The following RHEX variants were observed in gnomAD, a reference collection of about 807,000 sequenced individuals.
RHEX encodes the protein regulator of hemoglobinization and erythroid cell expansion protein.
In RHEX, 18 loss-of-function variants were observed where a neutral mutation model predicts 20.1. The observed-to-expected ratio is 0.90, with a 90% CI of 0.62 to 1.33. The LOEUF (loss-of-function observed/expected upper bound fraction) is 1.33. Among genes scored for constraint, RHEX ranks in the 40% most tolerant of loss-of-function variants. The pLI, the probability that RHEX is intolerant of heterozygous loss-of-function variation, is 0.00. For missense variants in RHEX, 192 were observed against 214.3 expected (o/e 0.90, Z 0.65); for synonymous variants, 87 against 77.1 (o/e 1.13, Z -0.67).
chr1:206,096,008 T>A (rs1553287621), intron 1 of RHEX, among the ~76,000 whole-genome samples: 1 of 152,046 alleles, frequency 6.6e-6, no homozygotes, highest in Admixed American at 6.6e-5. Context: ...TTTTTGTATG[T>A]TTTTAGAGAT....
At chr1:206,065,917 C>T (rs1260797247) in intron 1 of RHEX, among the ~76,000 whole-genome samples, 1 of 152,212 alleles carries the variant, frequency 6.6e-6, no homozygotes, top group African/African-American at 2.4e-5. Flanking sequence ...TGGCCTGTAT[C>T]TGCTTTAGCC....
chr1:206,082,872 G>C (rs1346580475), intron 1 of RHEX, among the ~76,000 whole-genome samples: 1 of 151,948 alleles, frequency 6.6e-6, no homozygotes, highest in African/African-American at 2.4e-5. Flanking sequence ...TTTATATCTG[G>C]GTCATTTTAT....
intron 1 of RHEX, among the ~76,000 whole-genome samples, chr1:206,086,484 G>C (rs894130779): frequency 1.3e-5 from 2 of 152,076 alleles, no homozygotes; most frequent in Admixed American, 1.3e-4. Flanking sequence ...CGCCCGGCCA[G>C]CATTTTCAAT....
At chr1:206,057,889 G>C (rs1484716247) in intron 1 of RHEX, among the ~76,000 whole-genome samples, 1 of 152,266 alleles carries the variant, frequency 6.6e-6, no homozygotes, top group Non-Finnish European at 1.5e-5. Flanking sequence ...GTTACAAGCT[G>C]TTTTAGAAAT....
At chr1:206,095,749 G>A (rs534826169) in intron 1 of RHEX, among the ~76,000 whole-genome samples, 1 of 152,206 alleles carries the variant, frequency 6.6e-6, no homozygotes, top group African/African-American at 2.4e-5. Flanking sequence ...CTGGGAGGTG[G>A]AGGTCGCAGT....
chr1:206,087,613 A>G (rs932352729), intron 1 of RHEX, among the ~76,000 whole-genome samples: 1 of 152,226 alleles, frequency 6.6e-6, no homozygotes, highest in African/African-American at 2.4e-5. Flanking sequence ...GACCATGTGC[A>G]TGGACCACTC....
In RHEX at chr1:206,102,009, A is replaced by G. The variant is rs1456597596; in HGVS notation, c.*57A>G. ...CTATGGATTCTTACATTTAATTTGT[A>G]GGGAAATGCCATTTTTCCCCCTTAA... On this transcript the variant is annotated 3_prime_UTR_variant, in exon 6 of 6. Transcript: ENST00000331555. The G allele has an allele frequency of 7.2e-7, 1 of 1,392,780 alleles. No individual in the cohort carries two copies. Among genetic ancestry groups the G allele is most frequent in the Non-Finnish European group, 1.0e-6 (1 of 983,940 alleles). The allele number at this position is 1,392,780 out of a possible 1,614,324, so 86.3% of individuals were successfully genotyped here.
intron 1 of RHEX, among the ~76,000 whole-genome samples, chr1:206,054,568 T>A (rs1662150200): frequency 6.6e-6 from 1 of 152,262 alleles, no homozygotes; most frequent in South Asian, 2.1e-4. Flanking sequence ...TAAAAAGGTA[T>A]CATCCAGTTT....
At chr1:206,090,202 C>CTTTTTTT (rs59499927) in intron 1 of RHEX, among the ~76,000 whole-genome samples, 15 of 112,590 alleles carry the variant, frequency 1.3e-4, no homozygotes, top group East Asian at 5.2e-4. Context: ...TCTTTTCTTT[C>CTTTTTTT]TTTTTTTTTT....
chr1:206,077,339 G>C (rs970983544), intron 1 of RHEX, among the ~76,000 whole-genome samples: 1 of 152,178 alleles, frequency 6.6e-6, no homozygotes, highest in African/African-American at 2.4e-5. Flanking sequence ...GTATGTCAAA[G>C]AAGTTTTTAA....
chr1:206,059,566 A>G (rs1323656847), intron 1 of RHEX, among the ~76,000 whole-genome samples: 2 of 152,146 alleles, frequency 1.3e-5, no homozygotes, highest in African/African-American at 4.8e-5. Context: ...GGGCTGAATC[A>G]TGCAGCTTCA....
chr1:206,063,326 G>A (rs1553283617), intron 1 of RHEX, among the ~76,000 whole-genome samples: 2 of 152,082 alleles, frequency 1.3e-5, no homozygotes, highest in Admixed American at 6.5e-5. Context: ...CTTGGAAAAC[G>A]GCAAGTTTCA....
intron 1 of RHEX, among the ~76,000 whole-genome samples, chr1:206,056,921 G>C (rs567569449): frequency 1.3e-5 from 2 of 152,362 alleles, no homozygotes; most frequent in South Asian, 2.1e-4. Flanking sequence ...ATAGTGTTTG[G>C]TTCCAAAAAG....
At chr1:206,085,902 T>C (rs555069703) in intron 1 of RHEX, among the ~76,000 whole-genome samples, 2 of 152,316 alleles carry the variant, frequency 1.3e-5, no homozygotes, top group Admixed American at 6.5e-5. Flanking sequence ...CATGCCATAT[T>C]CCAGATGAGC....
chr1:206,075,063 C>T (rs549702473), intron 1 of RHEX, among the ~76,000 whole-genome samples: 5 of 152,240 alleles, frequency 3.3e-5, no homozygotes, highest in South Asian at 4.1e-4. Context: ...TTGAAAATGT[C>T]CAGAAGGCCT....
chr1:206,102,243 C>G lies in RHEX; in HGVS notation c.*291C>G. On this transcript the variant is annotated 3_prime_UTR_variant, in exon 6 of 6. Coordinates refer to ENST00000331555, the MANE Select transcript of RHEX (RefSeq NM_001007544.4). The stretch of plus-strand genomic sequence containing the variant: ...GGTTGAGATCAGATGTTAGGAAGAA[C>G]TTTCAGGTAAAGTATGAGAACTATG... 2.3e-6 allele frequency: 1 copy of G among 433,490 alleles called. No homozygotes were observed. 26.9% of individuals were successfully genotyped at this position (433,490 alleles called of 1,614,324 possible).
chr1:206,064,922 T>G (rs1489085224), intron 1 of RHEX, among the ~76,000 whole-genome samples: 1 of 152,116 alleles, frequency 6.6e-6, no homozygotes, highest in African/African-American at 2.4e-5. Flanking sequence ...TTTCATTTTG[T>G]TCTGTACTAA....
chr1:206,059,357 A>G (rs1458772202), intron 1 of RHEX, among the ~76,000 whole-genome samples: 3 of 152,182 alleles, frequency 2.0e-5, no homozygotes, highest in African/African-American at 7.2e-5. Flanking sequence ...AGGATACCCA[A>G]CAGAATCCCA....
chr1:206,064,280 C>A (rs1662371685), intron 1 of RHEX, among the ~76,000 whole-genome samples: 1 of 143,226 alleles, frequency 7.0e-6, no homozygotes, highest in South Asian at 2.2e-4. Context: ...CAGCCCCCCG[C>A]CCGGCCAGCC....
Sources: allele counts gnomAD v4.1 joint callset (sites outside exome capture counted in the v4.1 genomes callset), GRCh38; gene constraint gnomAD v4.1.1; transcripts MANE v1.5; gene names NCBI Gene and HGNC (gene_info 2026-07-23, HGNC 2026-07-21).